Variants in CNTNAP5 observed in about 807,000 individuals in gnomAD.
CNTNAP5 encodes contactin associated protein family member 5.
A neutral mutation model predicts 150.2 loss-of-function variants in CNTNAP5; 72 were observed. That is an observed-to-expected ratio of 0.48 (90% CI 0.40 to 0.58). The LOEUF (loss-of-function observed/expected upper bound fraction) is 0.58, where lower values mean the gene tolerates loss of function less well. Ranked by LOEUF, CNTNAP5 falls within the 20% of genes least tolerant of loss-of-function variation. The probability of loss-of-function intolerance (pLI) is 0.00; values close to 1 mark genes in which losing one functional copy is unlikely to be tolerated. For synonymous variants in CNTNAP5, 672 were observed against 619.8 expected, an observed-to-expected ratio of 1.08 and a Z score of -1.25; for missense variants, 1,636 against 1,626.2, an observed-to-expected ratio of 1.01 and a Z score of -0.10.
intron 1 of CNTNAP5, among the ~76,000 whole-genome samples, chr2:124,108,233 A>ATATCCTTAATCCTCTCTCTCTTTAAACAT (rs1558758289): frequency 3.3e-5 from 5 of 152,292 alleles, no homozygotes; most frequent in Admixed American, 1.3e-4. Flanking sequence ...ACTTCATATA[A>ATATCCTTAATCCTCTCTCTCTTTAAACAT]TATCCTTAAT....
At chr2:124,642,183 A>G (rs1011703926) in intron 12 of CNTNAP5, among the ~76,000 whole-genome samples, 3 of 152,134 alleles carry the variant, frequency 2.0e-5, no homozygotes, top group African/African-American at 7.2e-5. Context: ...ACCAGGGAAG[A>G]TTTTACCACA....
intron 1 of CNTNAP5, among the ~76,000 whole-genome samples, chr2:124,127,270 C>A (rs1431866532): frequency 6.6e-6 from 1 of 151,972 alleles, no homozygotes; most frequent in South Asian, 2.1e-4. Flanking sequence ...CAATAACAGA[C>A]AAACAGAGAG....
intron 2 of CNTNAP5, among the ~76,000 whole-genome samples, chr2:124,234,576 T>C (rs1686701450): frequency 6.6e-6 from 1 of 152,198 alleles, no homozygotes; most frequent in Non-Finnish European, 1.5e-5. Context: ...TGGGTGTTTT[T>C]ATGCACACAT....
At chr2:124,085,617 C>T (rs1682670326) in intron 1 of CNTNAP5, among the ~76,000 whole-genome samples, 1 of 152,120 alleles carries the variant, frequency 6.6e-6, no homozygotes, top group Admixed American at 6.5e-5. Context: ...TTGACTTGAA[C>T]TCTTTTCTAG....
intron 3 of CNTNAP5, among the ~76,000 whole-genome samples, chr2:124,381,950 C>A (rs546417805): frequency 6.6e-6 from 1 of 152,028 alleles, no homozygotes; most frequent in African/African-American, 2.4e-5. Context: ...ATGACAAAAG[C>A]GTGGTGTCAG....
At chr2:124,154,841 T>C (rs1267567669) in intron 1 of CNTNAP5, among the ~76,000 whole-genome samples, 1 of 152,154 alleles carries the variant, frequency 6.6e-6, no homozygotes, top group Non-Finnish European at 1.5e-5. Flanking sequence ...TTAAATTGCC[T>C]GATATCTAGG....
chr2:124,752,910 G>T (rs930203067), intron 14 of CNTNAP5, among the ~76,000 whole-genome samples: 2 of 152,180 alleles, frequency 1.3e-5, no homozygotes, highest in Non-Finnish European at 2.9e-5. Flanking sequence ...GGAGCAGCAT[G>T]TTGGAGAAGG....
intron 13 of CNTNAP5, among the ~76,000 whole-genome samples, chr2:124,711,851 A>G (rs1372139636): frequency 1.3e-5 from 2 of 152,288 alleles, no homozygotes; most frequent in African/African-American, 4.8e-5. Context: ...AAAAAAAACA[A>G]TAACAATAAT....
intron 12 of CNTNAP5, among the ~76,000 whole-genome samples, chr2:124,610,196 T>G (rs1352605716): frequency 5.3e-5 from 8 of 152,174 alleles, no homozygotes; most frequent in Admixed American, 5.2e-4. Context: ...CCAAGGGCAT[T>G]TTCTCTCCTG....
intron 18 of CNTNAP5, among the ~76,000 whole-genome samples, chr2:124,793,981 C>T (rs11903424): frequency 0.13 from 19,119 of 152,026 alleles, 2,642 homozygotes; most frequent in African/African-American, 0.34. Context: ...TAGGGAATTG[C>T]ACTTCCTTCT....
chr2:124,711,305 AT>A (rs1246419586), intron 13 of CNTNAP5, among the ~76,000 whole-genome samples: 1 of 151,974 alleles, frequency 6.6e-6, no homozygotes, highest in African/African-American at 2.4e-5. Context: ...AATTAAAAAA[AT>A]ATATATTTCT....
At chr2:124,670,715 CT>C (rs1678806307) in intron 13 of CNTNAP5, among the ~76,000 whole-genome samples, 1 of 150,822 alleles carries the variant, frequency 6.6e-6, no homozygotes, top group East Asian at 2.0e-4. Flanking sequence ...TGTTGTTCCC[CT>C]GATTGCAAAT....
chr2:124,704,591 T>C (rs1398421252), intron 13 of CNTNAP5, among the ~76,000 whole-genome samples: 1 of 152,216 alleles, frequency 6.6e-6, no homozygotes, highest in African/African-American at 2.4e-5. Flanking sequence ...GACAGAGTAC[T>C]TCTTATATGT....
chr2:124,753,699 G>A (rs896457422), intron 14 of CNTNAP5, among the ~76,000 whole-genome samples: 10 of 152,054 alleles, frequency 6.6e-5, no homozygotes, highest in Admixed American at 2.6e-4. Context: ...ACACATTTTC[G>A]TTATTCATTT....
At chr2:124,861,173 G>A (rs1042491317) in intron 19 of CNTNAP5, among the ~76,000 whole-genome samples, 2 of 151,930 alleles carry the variant, frequency 1.3e-5, no homozygotes, top group Non-Finnish European at 2.9e-5. Context: ...TAAACCATCG[G>A]TTCTTTTAAG....
intron 13 of CNTNAP5, among the ~76,000 whole-genome samples, chr2:124,728,057 A>T (rs962035841): frequency 1.3e-5 from 2 of 152,078 alleles, no homozygotes; most frequent in African/African-American, 4.8e-5. Flanking sequence ...ATATATTTAG[A>T]TGATAAAAAG....
intron 3 of CNTNAP5, among the ~76,000 whole-genome samples, chr2:124,394,107 C>G: frequency 6.6e-6 from 1 of 152,042 alleles, no homozygotes; most frequent in East Asian, 1.9e-4. Context: ...CACGGTGGCT[C>G]GCAGTTGTAA....
chr2:124,218,488 C>T (rs1289254356), intron 1 of CNTNAP5, among the ~76,000 whole-genome samples: 1 of 152,082 alleles, frequency 6.6e-6, no homozygotes. Flanking sequence ...ATCAAAAGTT[C>T]AGATATGTTT....
intron 1 of CNTNAP5, among the ~76,000 whole-genome samples, chr2:124,048,039 C>T (rs1681587243): frequency 6.6e-6 from 1 of 152,182 alleles, no homozygotes; most frequent in African/African-American, 2.4e-5. Context: ...TACACTGAAA[C>T]ATTCATTTCT....
Sources: gnomAD v4.1 joint callset for allele counts (sites outside exome capture counted in the v4.1 genomes callset) on GRCh38, gnomAD v4.1.1 for gene constraint, MANE v1.5 for transcripts, NCBI Gene and HGNC (gene_info 2026-07-23, HGNC 2026-07-21) for gene names.